Variants in IL1RAPL2 observed in about 807,000 individuals in gnomAD.
IL1RAPL2 encodes interleukin 1 receptor accessory protein like 2, also known as X-linked interleukin-1 receptor accessory protein-like 2.
In IL1RAPL2, 3 loss-of-function variants were observed where a neutral mutation model predicts 44.1. The observed-to-expected ratio is 0.07, with a 90% CI of 0.03 to 0.18. IL1RAPL2 has a LOEUF of 0.18. Among genes scored for constraint, IL1RAPL2 ranks in the 10% least tolerant of loss-of-function variants. IL1RAPL2 has a pLI of 1.00. For synonymous variants in IL1RAPL2, 181 were observed against 178.8 expected (o/e 1.01, Z -0.10); for missense variants, 391 against 496.4 (o/e 0.79, Z 2.02).
chrX:105,737,275 TAATAA>T (rs755276031), intron 7 of IL1RAPL2, among the ~76,000 whole-genome samples: 7 of 110,959 alleles, frequency 6.3e-5, no homozygotes, highest in Non-Finnish European at 1.3e-4. Context: ...ATTACCTAGG[TAATAA>T]AATAATCTGT....
intron 2 of IL1RAPL2, among the ~76,000 whole-genome samples, chrX:104,850,821 T>C (rs765749006): frequency 9.0e-6 from 1 of 111,408 alleles, no homozygotes; most frequent in Non-Finnish European, 1.9e-5. Flanking sequence ...TAGAAGGCTC[T>C]CCATGTTAAC....
intron 2 of IL1RAPL2, among the ~76,000 whole-genome samples, chrX:105,047,629 C>G (rs925189487): frequency 9.0e-6 from 1 of 111,222 alleles, no homozygotes; most frequent in Non-Finnish European, 1.9e-5. Context: ...TGCTTGTCTT[C>G]TATTCTAACA....
chrX:104,658,990 A>T lies in IL1RAPL2; in HGVS notation c.77A>T (p.Asn26Ile). The T allele has an allele frequency of 3.3e-6, 4 of 1,198,313 alleles. No homozygotes were observed. The highest frequency in any genetic ancestry group is 4.5e-6 in the Non-Finnish European group (4 of 884,894). The change falls in exon 2 of 11, where the codon AAT becomes ATT. Residue 26 changes from asparagine (N) to isoleucine (I), a missense_variant. Around this residue, in one of 2 missense-constraint regions of IL1RAPL2, gnomAD observed 159 missense variants for 251.7 expected, o/e 0.63. Coordinates refer to ENST00000372582, the MANE Select transcript of IL1RAPL2 (RefSeq NM_017416.2). ...STNLKMVSKR[N>I]SVDGCIDWSV... The stretch of plus-strand genomic sequence containing the variant: ...AATCTGAAGATGGTGTCAAAGAGAA[A>T]TTCTGGTAAGTTGCTGGCAACTTGC...
intron 2 of IL1RAPL2, among the ~76,000 whole-genome samples, chrX:104,814,052 C>T (rs1473538455): frequency 9.0e-6 from 1 of 110,785 alleles, no homozygotes; most frequent in Non-Finnish European, 1.9e-5. Context: ...TTCAGTTATC[C>T]TAGCCATCTC....
chrX:105,167,911 A>G (rs1295972896), intron 2 of IL1RAPL2, among the ~76,000 whole-genome samples: 1 of 111,633 alleles, frequency 9.0e-6, no homozygotes, highest in Non-Finnish European at 1.9e-5. Flanking sequence ...AGGCACTATT[A>G]TAATTCCCCT....
At chrX:105,663,131 A>G (rs773407825) in intron 6 of IL1RAPL2, among the ~76,000 whole-genome samples, 1 of 111,934 alleles carries the variant, frequency 8.9e-6, no homozygotes, top group Admixed American at 9.5e-5. Flanking sequence ...CTCCACAAAT[A>G]TATCAGAAAA....
At chrX:104,887,408 T>C (rs1923280880) in intron 2 of IL1RAPL2, among the ~76,000 whole-genome samples, 1 of 112,346 alleles carries the variant, frequency 8.9e-6, no homozygotes, top group Non-Finnish European at 1.9e-5. Context: ...ACCAGTGGCA[T>C]ACCTAAGTAG....
At chrX:104,659,848 G>T (rs1930352710) in intron 2 of IL1RAPL2, among the ~76,000 whole-genome samples, 1 of 111,755 alleles carries the variant, frequency 8.9e-6, no homozygotes, top group Non-Finnish European at 1.9e-5. Context: ...TCAATGAAAT[G>T]CATGCTTACT....
intron 2 of IL1RAPL2, among the ~76,000 whole-genome samples, chrX:104,755,778 ATT>A (rs1348006138): frequency 9.0e-6 from 1 of 111,162 alleles, no homozygotes; most frequent in Non-Finnish European, 1.9e-5. Context: ...ATAAGGCCAG[ATT>A]ACTAGACTAG....
At chrX:105,544,028 T>A (rs1424915207) in intron 6 of IL1RAPL2, among the ~76,000 whole-genome samples, 1 of 111,917 alleles carries the variant, frequency 8.9e-6, no homozygotes, top group African/African-American at 3.2e-5. Context: ...TTTGAAAATG[T>A]TGAGTCTTCT....
chrX:105,273,156 G>T (rs1034413197), intron 5 of IL1RAPL2, among the ~76,000 whole-genome samples: 1 of 111,658 alleles, frequency 9.0e-6, no homozygotes, highest in African/African-American at 3.3e-5. Context: ...TCTATTGAGA[G>T]CTCACTGTGC....
intron 2 of IL1RAPL2, among the ~76,000 whole-genome samples, chrX:104,915,495 A>T (rs749680072): frequency 9.1e-6 from 1 of 110,295 alleles, no homozygotes; most frequent in East Asian, 2.9e-4. Context: ...GATTGCAAAA[A>T]TTTTTTTTCC....
intron 2 of IL1RAPL2, among the ~76,000 whole-genome samples, chrX:104,867,154 A>G (rs768081142): frequency 5.7e-5 from 6 of 104,783 alleles, no homozygotes; most frequent in African/African-American, 1.8e-4. Context: ...GGAGAATGGC[A>G]TGAACCCGGG....
At chrX:105,009,827 A>G (rs944936381) in intron 2 of IL1RAPL2, among the ~76,000 whole-genome samples, 7 of 111,015 alleles carry the variant, frequency 6.3e-5, no homozygotes, top group African/African-American at 2.3e-4. Flanking sequence ...ACTTTCTAAC[A>G]CTGTGTGTTT....
chrX:104,902,559 T>C (rs1459495751), intron 2 of IL1RAPL2, among the ~76,000 whole-genome samples: 1 of 111,956 alleles, frequency 8.9e-6, no homozygotes, highest in Non-Finnish European at 1.9e-5. Flanking sequence ...AATACTCTAA[T>C]AGCTAGGTAT....
At chrX:105,742,576 A>G (rs2038509444) in intron 8 of IL1RAPL2, among the ~76,000 whole-genome samples, 1 of 111,634 alleles carries the variant, frequency 9.0e-6, no homozygotes, top group South Asian at 3.7e-4. Flanking sequence ...GGCTTCTACA[A>G]GAAAACTGGT....
chrX:105,262,608 T>C (rs1030928574), intron 4 of IL1RAPL2, among the ~76,000 whole-genome samples: 1 of 111,517 alleles, frequency 9.0e-6, no homozygotes, highest in African/African-American at 3.3e-5. Flanking sequence ...ATTGATTTAG[T>C]AGCATGCTCA....
At chrX:104,675,577 T>G (rs1930731289) in intron 2 of IL1RAPL2, among the ~76,000 whole-genome samples, 1 of 111,165 alleles carries the variant, frequency 9.0e-6, no homozygotes, top group Non-Finnish European at 1.9e-5. Flanking sequence ...TATATTCTGT[T>G]TATTTGGGGT....
intron 2 of IL1RAPL2, among the ~76,000 whole-genome samples, chrX:104,675,310 A>G (rs1446244040): frequency 1.9e-4 from 21 of 111,052 alleles, no homozygotes; most frequent in African/African-American, 4.6e-4. Context: ...CTTTGTTCTC[A>G]TTGGTTTCAA....
Sources: gnomAD v4.1 joint callset for allele counts (sites outside exome capture counted in the v4.1 genomes callset) on GRCh38, gnomAD v4.1.1 for gene constraint, gnomAD v4.1.1 regional missense constraint, MANE v1.5 for transcripts, NCBI Gene and HGNC (gene_info 2026-07-23, HGNC 2026-07-21) for gene names.